KDM2A: variants seen among roughly 807,000 people sequenced by gnomAD.
The protein encoded by KDM2A is lysine-specific demethylase 2A.
KDM2A carries 3 observed loss-of-function variants against 137.3 expected under a neutral mutation model. That is an observed-to-expected ratio of 0.02 (90% CI 0.01 to 0.06). The LOEUF (loss-of-function observed/expected upper bound fraction) is 0.06. Among genes scored for constraint, KDM2A ranks in the 10% least tolerant of loss-of-function variants. The pLI is 1.00. For missense variants in KDM2A, 738 were observed against 1,510.6 expected (o/e 0.49, Z 8.48); for synonymous variants, 512 against 541.5 (o/e 0.95, Z 0.76).
chr11:67,230,777 G>C (rs1858687221), intron 11 of KDM2A, among the ~76,000 whole-genome samples: 1 of 152,092 alleles, frequency 6.6e-6, no homozygotes, highest in Non-Finnish European at 1.5e-5. Flanking sequence ...GCGCCTTCTT[G>C]CATTTTCTAA....
intron 12 of KDM2A, among the ~76,000 whole-genome samples, chr11:67,233,852 C>T (rs1328224970): frequency 9.2e-5 from 14 of 151,848 alleles, no homozygotes; most frequent in Non-Finnish European, 1.5e-5. Context: ...GAAAAGTGTC[C>T]GGAGATAGCT....
chr11:67,161,400 T>C (rs1376345649), intron 2 of KDM2A, among the ~76,000 whole-genome samples: 1 of 152,216 alleles, frequency 6.6e-6, no homozygotes, highest in African/African-American at 2.4e-5. Flanking sequence ...TCATAGGTTA[T>C]GTGCAAGCTT....
intron 2 of KDM2A, among the ~76,000 whole-genome samples, chr11:67,165,885 G>T (rs993406418): frequency 1.3e-5 from 2 of 152,056 alleles, no homozygotes; most frequent in African/African-American, 2.4e-5. Flanking sequence ...ACTTTTAGGG[G>T]TTTTTTCTTT....
chr11:67,131,445 CTT>C (rs1855853608), intron 2 of KDM2A, among the ~76,000 whole-genome samples: 1 of 135,946 alleles, frequency 7.4e-6, no homozygotes, highest in African/African-American at 2.9e-5. Context: ...GAATTTCGCT[CTT>C]GTCGCCCAGG....
chr11:67,169,969 G>C (rs1338545468), intron 2 of KDM2A, among the ~76,000 whole-genome samples: 3 of 151,894 alleles, frequency 2.0e-5, no homozygotes, highest in African/African-American at 7.3e-5. Flanking sequence ...TGCTGGCCAG[G>C]CTGGTCTCGA....
At chr11:67,193,208 T>C (rs950130869) in intron 5 of KDM2A, among the ~76,000 whole-genome samples, 2 of 152,056 alleles carry the variant, frequency 1.3e-5, no homozygotes, top group Non-Finnish European at 2.9e-5. Flanking sequence ...CAGGCTGATC[T>C]TGAACTCCTG....
At chr11:67,155,647 G>A (rs1856495538) in intron 2 of KDM2A, among the ~76,000 whole-genome samples, 1 of 145,802 alleles carries the variant, frequency 6.9e-6, no homozygotes, top group South Asian at 2.2e-4. Flanking sequence ...ACGGAGTTTT[G>A]TTGTTGTTGC....
At chr11:67,166,324 A>G (rs954699639) in intron 2 of KDM2A, among the ~76,000 whole-genome samples, 5 of 151,360 alleles carry the variant, frequency 3.3e-5, no homozygotes, top group East Asian at 1.9e-4. Flanking sequence ...AGCTGGGACT[A>G]TAGGCACATG....
chr11:67,246,745 C>T (rs902994356), intron 15 of KDM2A, among the ~76,000 whole-genome samples: 29 of 151,852 alleles, frequency 1.9e-4, no homozygotes, highest in Non-Finnish European at 3.8e-4. Flanking sequence ...TCATGACTGT[C>T]GCCTGACAGT....
At chr11:67,219,079 A>G (rs1197288003) in intron 9 of KDM2A, among the ~76,000 whole-genome samples, 1 of 152,226 alleles carries the variant, frequency 6.6e-6, no homozygotes, top group Non-Finnish European at 1.5e-5. Context: ...GCATTTTCTC[A>G]TTTAATGCTC....
Position 67,255,359 on chromosome 11 carries a change from GGTGTTT to G in KDM2A, c.*308_*313del, listed in dbSNP as rs1859567577. Reference sequence around the variant, plus strand: ...CCAGGAGGCCGGGCTCTCAGTTTGGGGTGTTTGTGCAACCTTCATCTGCACTGGGCC... The same window carrying G: ...CCAGGAGGCCGGGCTCTCAGTTTGGGGTGCAACCTTCATCTGCACTGGGCC... On this transcript the variant is annotated 3_prime_UTR_variant, in exon 21 of 21. Coordinates refer to ENST00000529006, the MANE Select transcript of KDM2A (RefSeq NM_012308.3). 1 of 466,236 alleles carries G rather than the reference GGTGTTT, an allele frequency of 2.1e-6. No individual in the cohort carries two copies. The highest frequency in any genetic ancestry group is 4.9e-5 in the East Asian group (1 of 20,540). The allele number at this position is 466,236 out of a possible 1,614,324, so 28.9% of individuals were successfully genotyped here. A position where few individuals can be genotyped will look rare whatever the true frequency, so the allele number is the denominator to read the frequency against.
chr11:67,219,481 G>T, intron 10 of KDM2A, 78 bp downstream of exon 10: 2 of 650,008 alleles, frequency 3.1e-6, no homozygotes, highest in African/African-American at 1.9e-5. Flanking sequence ...ATTCACTGAT[G>T]GTTTATCAAA....
intron 2 of KDM2A, among the ~76,000 whole-genome samples, chr11:67,139,201 CT>C: frequency 6.6e-6 from 1 of 152,180 alleles, no homozygotes; most frequent in East Asian, 1.9e-4. Flanking sequence ...TAAGTGTACC[CT>C]GCAGCCCTGC....
chr11:67,250,034 G>A lies in KDM2A; in HGVS notation c.2056-52G>A. ...GGGAGGTCCACCCTGTCGGTTCAGA[G>A]GGTTTGGAAGAAAGGAAGCACTGAT... On this transcript the variant is annotated intron_variant, in intron 16 of 20. Transcript: ENST00000529006. The surrounding 1 kb of genome is among the most constrained non-coding windows in gnomAD (Gnocchi z 7.1). 1 of 1,458,170 alleles carries A rather than the reference G, an allele frequency of 6.9e-7. No individual in the cohort carries two copies. Among genetic ancestry groups the A allele is most frequent in the Non-Finnish European group, 9.3e-7 (1 of 1,077,456 alleles). 90.3% of individuals were successfully genotyped at this position (1,458,170 alleles called of 1,614,324 possible).
At chr11:67,174,849 T>G (rs1216768877) in intron 2 of KDM2A, among the ~76,000 whole-genome samples, 1 of 152,194 alleles carries the variant, frequency 6.6e-6, no homozygotes, top group East Asian at 1.9e-4. Context: ...TGCAAATTGC[T>G]TTTGAGAGGA....
At chr11:67,189,503 TGC>T (rs1486305547) in intron 5 of KDM2A, among the ~76,000 whole-genome samples, 1 of 151,724 alleles carries the variant, frequency 6.6e-6, no homozygotes, top group African/African-American at 2.4e-5. Context: ...GCAGGAGGAT[TGC>T]TTGAGCCCAG....
At chr11:67,140,892 G>C (rs1395269873) in intron 2 of KDM2A, among the ~76,000 whole-genome samples, 1 of 152,124 alleles carries the variant, frequency 6.6e-6, no homozygotes, top group Non-Finnish European at 1.5e-5. Context: ...ACGTCATGAG[G>C]TATCACCATA....
At chr11:67,197,429 G>A (rs1020287396) in intron 5 of KDM2A, among the ~76,000 whole-genome samples, 1 of 152,096 alleles carries the variant, frequency 6.6e-6, no homozygotes, top group East Asian at 1.9e-4. Context: ...AGCCCGCCTC[G>A]GCCCCACCAA....
chr11:67,238,660 T>G (rs1858938585), intron 12 of KDM2A, among the ~76,000 whole-genome samples: 1 of 152,220 alleles, frequency 6.6e-6, no homozygotes, highest in African/African-American at 2.4e-5. Flanking sequence ...GAAAGCCTAG[T>G]TAGCCACTAA....
Sources: allele counts gnomAD v4.1 joint callset (sites outside exome capture counted in the v4.1 genomes callset), GRCh38; gene constraint gnomAD v4.1.1; non-coding constraint Gnocchi (gnomAD v3.1); transcripts MANE v1.5; gene names NCBI Gene and HGNC (gene_info 2026-07-23, HGNC 2026-07-21).